AKR1C8: variants seen among roughly 807,000 people sequenced by gnomAD.
AKR1C8 encodes aldo-keto reductase family 1 member C8.
At chr10:5,129,576 G>C in the AKR1C8 span, among the ~76,000 whole-genome samples, 1 of 152,010 alleles carries the variant, frequency 6.6e-6, no homozygotes, top group African/African-American at 2.4e-5. Flanking sequence ...AATTAGAAAT[G>C]AAACTGGACA....
chr10:5,169,590 T>C, the AKR1C8 span, among the ~76,000 whole-genome samples: 11 of 119,280 alleles, frequency 9.2e-5, no homozygotes, highest in East Asian at 3.1e-3. Context: ...AAGATCCATG[T>C]TTTTTTTTTT....
the AKR1C8 span, among the ~76,000 whole-genome samples, chr10:5,162,659 A>T: frequency 6.6e-6 from 1 of 152,332 alleles, no homozygotes; most frequent in East Asian, 1.9e-4. Flanking sequence ...ATACTGTCTG[A>T]TGCTCAGAGA....
At chr10:5,130,527 C>G in the AKR1C8 span, among the ~76,000 whole-genome samples, 4 of 151,840 alleles carry the variant, frequency 2.6e-5, no homozygotes, top group Non-Finnish European at 5.9e-5. Context: ...CTACAAAACC[C>G]TAAAGACTCA....
At chr10:5,120,264 T>C in the AKR1C8 span, among the ~76,000 whole-genome samples, 1 of 152,180 alleles carries the variant, frequency 6.6e-6, no homozygotes, top group Admixed American at 6.6e-5. Flanking sequence ...TTACTGTCGA[T>C]AAATATGTGG....
At chr10:5,181,110 T>C in the AKR1C8 span, among the ~76,000 whole-genome samples, 2 of 152,214 alleles carry the variant, frequency 1.3e-5, no homozygotes, top group East Asian at 1.9e-4. Context: ...ACCAGAGCTG[T>C]TCCTATTCGG....
At chr10:5,116,757 G>A in the AKR1C8 span, among the ~76,000 whole-genome samples, 2 of 152,200 alleles carry the variant, frequency 1.3e-5, no homozygotes. Context: ...CTTCAGGGAT[G>A]TAGGACATCA....
chr10:5,144,874 C>A, the AKR1C8 span, among the ~76,000 whole-genome samples: 1 of 152,104 alleles, frequency 6.6e-6, no homozygotes, highest in Non-Finnish European at 1.5e-5. Flanking sequence ...CTTTCTCCTG[C>A]CTAATTGCCC....
chr10:5,128,290 C>G, the AKR1C8 span, among the ~76,000 whole-genome samples: 2 of 152,134 alleles, frequency 1.3e-5, no homozygotes. Flanking sequence ...AGTTCTAAAT[C>G]TTCAACCAAA....
chr10:5,138,899 T>G, the AKR1C8 span, among the ~76,000 whole-genome samples: 77 of 152,206 alleles, frequency 5.1e-4, 1 homozygote, highest in South Asian at 0.016. Context: ...TGATTATATA[T>G]CTAGAAAACC....
chr10:5,124,983 T>C, the AKR1C8 span, among the ~76,000 whole-genome samples: 6 of 151,020 alleles, frequency 4.0e-5, no homozygotes, highest in Non-Finnish European at 1.5e-5. Flanking sequence ...AAGTACCTTT[T>C]GAAAACGTAA....
the AKR1C8 span, chr10:5,157,876 A>G: frequency 2.6e-6 from 1 of 391,664 alleles, no homozygotes; most frequent in East Asian, 7.4e-5. Flanking sequence ...CTTTTCCCCA[A>G]ATTCTCCAGA....
At chr10:5,181,765 A>G in the AKR1C8 span, among the ~76,000 whole-genome samples, 1 of 152,212 alleles carries the variant, frequency 6.6e-6, no homozygotes, top group Non-Finnish European at 1.5e-5. Flanking sequence ...AGAAATAACC[A>G]AATTACTTTG....
At chr10:5,174,433 C>G in the AKR1C8 span, among the ~76,000 whole-genome samples, 4 of 152,000 alleles carry the variant, frequency 2.6e-5, no homozygotes, top group African/African-American at 7.2e-5. Flanking sequence ...CAAATGTCTT[C>G]AAGATATAAA....
chr10:5,162,872 T>G, the AKR1C8 span: 1 of 534,236 alleles, frequency 1.9e-6, no homozygotes, highest in Admixed American at 1.9e-5. Context: ...GTAGAATATT[T>G]CCTCTCTCTT....
the AKR1C8 span, among the ~76,000 whole-genome samples, chr10:5,169,268 T>TG: frequency 6.6e-6 from 1 of 152,184 alleles, no homozygotes; most frequent in African/African-American, 2.4e-5. Context: ...ATGGTGCTCC[T>TG]GTTCTATAAT....
At chr10:5,125,069 CTTATA>C in the AKR1C8 span, among the ~76,000 whole-genome samples, 1 of 150,174 alleles carries the variant, frequency 6.7e-6, no homozygotes, top group Admixed American at 6.6e-5. Context: ...CACGATACAT[CTTATA>C]TTTATTTACC....
At chr10:5,158,502 C>A in the AKR1C8 span, 1 of 395,912 alleles carries the variant, frequency 2.5e-6, no homozygotes, top group Non-Finnish European at 5.1e-6. Flanking sequence ...AATCTTTGAG[C>A]TTTTTTATAA....
chr10:5,143,182 C>T, the AKR1C8 span, among the ~76,000 whole-genome samples: 1 of 152,054 alleles, frequency 6.6e-6, no homozygotes, highest in Non-Finnish European at 1.5e-5. Flanking sequence ...TGGGAAACAA[C>T]CCTTCTATTA....
At chr10:5,167,668 T>C in the AKR1C8 span, among the ~76,000 whole-genome samples, 2 of 152,112 alleles carry the variant, frequency 1.3e-5, no homozygotes, top group Non-Finnish European at 2.9e-5. Context: ...TTTGGAGATA[T>C]ACCTAATGTT....
Sources: allele counts gnomAD v4.1 joint callset (sites outside exome capture counted in the v4.1 genomes callset), GRCh38; gene constraint gnomAD v4.1.1; transcripts MANE v1.5; gene names NCBI Gene and HGNC (gene_info 2026-07-23, HGNC 2026-07-21).